Variants in MLIP observed in about 807,000 individuals in gnomAD.
MLIP encodes the protein muscular LMNA interacting protein, also known as muscular LMNA-interacting protein.
MLIP carries 79 observed loss-of-function variants against 84.8 expected under a neutral mutation model. The ratio of observed to expected loss-of-function variants is 0.93; its 90% CI spans 0.78 to 1.12. MLIP has a LOEUF of 1.12. MLIP is among the 50% of genes most tolerant of loss of function. The pLI, the probability that MLIP is intolerant of heterozygous loss-of-function variation, is 0.00. For missense variants in MLIP, 1,257 were observed against 1,160.6 expected (o/e 1.08, Z -1.21); for synonymous variants, 504 against 463.0 (o/e 1.09, Z -1.14).
intron 12 of MLIP, among the ~76,000 whole-genome samples, chr6:54,244,479 C>A (rs1781945549): frequency 1.3e-5 from 2 of 152,022 alleles, no homozygotes; most frequent in Admixed American, 1.3e-4. Flanking sequence ...AGCTTCTGTT[C>A]AAAATGACTA....
chr6:54,245,615 A>T (rs1782026143), intron 12 of MLIP, among the ~76,000 whole-genome samples: 1 of 152,136 alleles, frequency 6.6e-6, no homozygotes. Flanking sequence ...TAAAATATAT[A>T]TTTTGTCTAC....
chr6:54,200,606 C>T (rs556004315), intron 10 of MLIP, among the ~76,000 whole-genome samples: 8 of 93,240 alleles, frequency 8.6e-5, no homozygotes, highest in Admixed American at 4.8e-4. Flanking sequence ...ACTGCCTGGA[C>T]GTTTTTTTTT....
intron 10 of MLIP, among the ~76,000 whole-genome samples, chr6:54,190,612 C>G (rs902140805): frequency 6.6e-6 from 1 of 152,052 alleles, no homozygotes; most frequent in Non-Finnish European, 1.5e-5. Context: ...GTCACAAGAG[C>G]TCAACAGTGG....
intron 12 of MLIP, among the ~76,000 whole-genome samples, chr6:54,249,734 C>CACACACACACACATAT (rs145607176): frequency 4.7e-5 from 6 of 127,612 alleles, no homozygotes; most frequent in Admixed American, 3.3e-4. Context: ...CACACACACA[C>CACACACACACACATAT]ATATATATAT....
At chr6:54,230,282 G>A (rs140248641) in intron 11 of MLIP, among the ~76,000 whole-genome samples, 2 of 152,112 alleles carry the variant, frequency 1.3e-5, no homozygotes, top group African/African-American at 2.4e-5. Flanking sequence ...TTTCCACAAT[G>A]CCCTCCCCTT....
intron 11 of MLIP, among the ~76,000 whole-genome samples, chr6:54,208,225 A>G (rs1446108624): frequency 2.6e-5 from 4 of 152,272 alleles, no homozygotes; most frequent in African/African-American, 7.2e-5. Context: ...GAGAGAGGAT[A>G]TCTATGTAAA....
At chr6:54,122,215 T>C (rs1582197862) in intron 2 of MLIP, among the ~76,000 whole-genome samples, 1 of 152,152 alleles carries the variant, frequency 6.6e-6, no homozygotes, top group Admixed American at 6.5e-5. Flanking sequence ...ATGCCTAATA[T>C]CTAACAATCA....
At chr6:54,257,799 C>T (rs530201537) in intron 13 of MLIP, among the ~76,000 whole-genome samples, 303 of 152,194 alleles carry the variant, frequency 2.0e-3, no homozygotes, top group Non-Finnish European at 3.3e-3. Context: ...TGAGCACCCC[C>T]AACCCCACCT....
At chr6:54,040,039 A>AT (rs1764656280) in intron 1 of MLIP, among the ~76,000 whole-genome samples, 3 of 152,014 alleles carry the variant, frequency 2.0e-5, no homozygotes, top group African/African-American at 7.2e-5. Context: ...TGTGTTGAAC[A>AT]TTGTAGAATT....
intron 12 of MLIP, among the ~76,000 whole-genome samples, chr6:54,235,099 AG>A (rs1781274949): frequency 1.3e-5 from 2 of 152,190 alleles, no homozygotes; most frequent in South Asian, 4.1e-4. Flanking sequence ...CACAATTCTC[AG>A]TCCCCAAACT....
At chr6:54,263,416 C>G (rs538418711) in intron 13 of MLIP, among the ~76,000 whole-genome samples, 1 of 151,590 alleles carries the variant, frequency 6.6e-6, no homozygotes, top group African/African-American at 2.4e-5. Flanking sequence ...CATAAATGCA[C>G]AAAACATTTG....
chr6:54,071,234 G>A (rs1766465991), intron 1 of MLIP, among the ~76,000 whole-genome samples: 1 of 151,964 alleles, frequency 6.6e-6, no homozygotes, highest in African/African-American at 2.4e-5. Context: ...TGCTTTGCAT[G>A]CATCTGCTTT....
At chr6:54,041,703 A>G (rs1419827768) in intron 1 of MLIP, among the ~76,000 whole-genome samples, 2 of 152,028 alleles carry the variant, frequency 1.3e-5, no homozygotes, top group African/African-American at 4.8e-5. Context: ...TCATGTGCAG[A>G]CTTTCCATTT....
At chr6:54,147,331 A>ATAGTAATAAATGTCAACG (rs1228510092) in intron 4 of MLIP, among the ~76,000 whole-genome samples, 1 of 152,158 alleles carries the variant, frequency 6.6e-6, no homozygotes, top group Non-Finnish European at 1.5e-5. Flanking sequence ...TAAATGAGTA[A>ATAGTAATAAATGTCAACG]TAGTAATAAA....
At chr6:54,141,436 A>G (rs1466798071) in intron 4 of MLIP, among the ~76,000 whole-genome samples, 1 of 151,370 alleles carries the variant, frequency 6.6e-6, no homozygotes, top group African/African-American at 2.4e-5. Context: ...CCTCCCAAGT[A>G]GCTGGGATTA....
upstream of MLIP, among the ~76,000 whole-genome samples, chr6:54,109,759 T>C (rs140222125): frequency 2.7e-4 from 41 of 152,174 alleles, no homozygotes; most frequent in East Asian, 6.0e-3. Context: ...TCCCAGGGCA[T>C]CTACTAGGAG....
chr6:54,237,658 C>T (rs931983028), intron 12 of MLIP, among the ~76,000 whole-genome samples: 6 of 134,642 alleles, frequency 4.5e-5, no homozygotes, highest in Non-Finnish European at 9.2e-5. Context: ...CCAGCCTGGA[C>T]GACATAGGGA....
intron 1 of MLIP, among the ~76,000 whole-genome samples, chr6:54,103,410 C>T (rs967524082): frequency 1.3e-5 from 2 of 152,226 alleles, no homozygotes; most frequent in South Asian, 2.1e-4. Context: ...CTCTTGAAAG[C>T]GTTTCAGTTT....
chr6:54,190,169 G>A (rs1199932225), intron 10 of MLIP, among the ~76,000 whole-genome samples: 3 of 152,076 alleles, frequency 2.0e-5, no homozygotes, highest in African/African-American at 7.2e-5. Flanking sequence ...AGATTGTGAG[G>A]TCAGATGAAA....
Sources: gnomAD v4.1 joint callset for allele counts (sites outside exome capture counted in the v4.1 genomes callset) on GRCh38, gnomAD v4.1.1 for gene constraint, MANE v1.5 for transcripts, NCBI Gene and HGNC (gene_info 2026-07-23, HGNC 2026-07-21) for gene names.